LRP5: variants seen among roughly 807,000 people sequenced by gnomAD.
LRP5 encodes the protein LDL receptor related protein 5.
A neutral mutation model predicts 154.1 loss-of-function variants in LRP5; 62 were observed. The observed-to-expected ratio is 0.40, with a 90% CI of 0.33 to 0.50. LRP5 has a LOEUF of 0.50. Among genes scored for constraint, LRP5 ranks in the 20% least tolerant of loss-of-function variants. The pLI, the probability that LRP5 is intolerant of heterozygous loss-of-function variation, is 0.55. For missense variants in LRP5, 1,915 were observed against 2,336.7 expected (o/e 0.82, Z 3.72); for synonymous variants, 966 against 1,011.5 (o/e 0.96, Z 0.85).
chr11:68,317,139 G>T (rs898176756), intron 1 of LRP5, among the ~76,000 whole-genome samples: 2 of 152,322 alleles, frequency 1.3e-5, no homozygotes, highest in East Asian at 3.9e-4. Context: ...GGCTTGCTAC[G>T]AGCCGGCCTC....
chr11:68,413,905 T>C lies in LRP5; in HGVS notation c.2720T>C (p.Met907Thr), dbSNP rs751796016. The C allele has an allele frequency of 1.2e-6, 2 of 1,612,748 alleles. No homozygotes were observed. Among genetic ancestry groups the C allele is most frequent in the East Asian group, 4.5e-5 (2 of 44,904 alleles). Reference sequence around the variant, plus strand: ...CGCCAGGATGGCCTCAATGACTGTATGCACAACAACGGGCAGTGTGGGCAG... The same window carrying C: ...CGCCAGGATGGCCTCAATGACTGTACGCACAACAACGGGCAGTGTGGGCAG... ...SSRQDGLNDC[M>T]HNNGQCGQLC... The change falls in exon 12 of 23, where the codon ATG (methionine) becomes ACG (threonine). Residue 907 changes from methionine to threonine, a missense_variant. This residue lies in a region of LRP5 where 1,094 missense variants were observed against 1,210.1 expected (regional missense o/e 0.90). Coordinates refer to ENST00000294304, the MANE Select transcript of LRP5 (RefSeq NM_002335.4). This position sits in a 1 kb window ranked among gnomAD's most constrained non-coding sequence, Gnocchi z 5.1.
chr11:68,433,911 C>A, intron 18 of LRP5, 73 bp downstream of exon 18: 1 of 1,438,918 alleles, frequency 6.9e-7, no homozygotes, highest in South Asian at 1.2e-5. Context: ...GGGGCTGCCT[C>A]CGGCCTCACA....
At position 68,391,872 on chromosome 11, in the gene LRP5, C is replaced by T. The variant is rs575399780; in HGVS notation, c.1584+1820C>T. ...CAGTGGTTTTCTTGAGACAGGGTCTCGCTCGCTCACCCAGGCGAGAGTGCA... is the reference window on the plus strand; with the variant it reads ...CAGTGGTTTTCTTGAGACAGGGTCTTGCTCGCTCACCCAGGCGAGAGTGCA... On this transcript the variant is annotated intron_variant, in intron 7 of 22. Coordinates refer to ENST00000294304, the MANE Select transcript of LRP5 (RefSeq NM_002335.4). Among the ~76,000 whole-genome samples, 28 of 152,300 alleles carry T rather than the reference C, an allele frequency of 1.8e-4. 1 individual carries two copies. The South Asian group carries it at 2.3e-3, about 12-fold the overall frequency.
At chr11:68,356,918 A>C (rs907901032) in intron 2 of LRP5, among the ~76,000 whole-genome samples, 6 of 151,172 alleles carry the variant, frequency 4.0e-5, no homozygotes, top group Non-Finnish European at 7.4e-5. Context: ...TCATGGCTTG[A>C]TAGATCATTT....
chr11:68,407,720 G>T (rs1663968763), intron 9 of LRP5, among the ~76,000 whole-genome samples: 1 of 151,986 alleles, frequency 6.6e-6, no homozygotes, highest in Admixed American at 6.5e-5. Flanking sequence ...GGCGGCGCCT[G>T]CCTGTAATCG....
intron 1 of LRP5, among the ~76,000 whole-genome samples, chr11:68,328,955 G>C (rs2098601233): frequency 6.6e-6 from 1 of 152,316 alleles, no homozygotes; most frequent in South Asian, 2.1e-4. Flanking sequence ...TTTGTGACTT[G>C]AGACTGCGTG....
chr11:68,448,729 G>A (rs960299131), intron 22 of LRP5, 80 bp from the exon 23 acceptor site: 17 of 1,565,658 alleles, frequency 1.1e-5, no homozygotes, highest in Middle Eastern at 1.7e-4. Flanking sequence ...GGCCTTTCCC[G>A]TTCACAGCCC....
chr11:68,382,587 C>T (rs2098640846), intron 5 of LRP5, among the ~76,000 whole-genome samples: 1 of 152,226 alleles, frequency 6.6e-6, no homozygotes, highest in Non-Finnish European at 1.5e-5. Flanking sequence ...TCGTCCACCC[C>T]TCCTTCCCTA....
Position 68,411,476 on chromosome 11 carries a change from G to C in LRP5, c.2359G>C (p.Val787Leu). ...CGAGTGGGGCGGCAAGCCGAGGATC[G>C]TGCGGGCCTTCATGGACGGGACCAA... ...WTEWGGKPRI[V>L]RAFMDGTNCM... The change falls in exon 11 of 23, where the codon GTG becomes CTG. Residue 787 changes from valine (V) to leucine (L), a missense_variant. This residue lies in a region of LRP5 where 773 missense variants were observed against 1,100.9 expected (regional missense o/e 0.70). Transcript: ENST00000294304. The C allele has an allele frequency of 6.2e-7, 1 of 1,613,168 alleles. No homozygotes were observed. Among genetic ancestry groups the C allele is most frequent in the Non-Finnish European group, 8.5e-7 (1 of 1,180,036 alleles).
intron 6 of LRP5, among the ~76,000 whole-genome samples, chr11:68,388,026 T>C (rs2098643982): frequency 1.3e-5 from 2 of 151,988 alleles, no homozygotes; most frequent in Non-Finnish European, 2.9e-5. Context: ...GGAGCCAGCA[T>C]GTCAGGCAGC....
At chr11:68,367,918 G>T (rs1174952596) in intron 5 of LRP5, among the ~76,000 whole-genome samples, 5 of 152,094 alleles carry the variant, frequency 3.3e-5, no homozygotes, top group African/African-American at 7.2e-5. Flanking sequence ...ATAAAAATTA[G>T]CTGGGCAGTA....
chr11:68,425,162 C>T lies in LRP5; in HGVS notation c.3297C>T (p.Asp1099=), dbSNP rs17149104. The change falls in exon 15 of 23, where the codon GAC becomes GAT. Residue 1099 remains aspartate (D), a synonymous_variant. Coordinates refer to ENST00000294304, the MANE Select transcript of LRP5 (RefSeq NM_002335.4). Reference sequence around the variant, plus strand: ...CCAAGATCGAACGCGCAGCCCTGGACGGCACCGAGCGCGAGGTCCTCTTCA... The same window carrying T: ...CCAAGATCGAACGCGCAGCCCTGGATGGCACCGAGCGCGAGGTCCTCTTCA... ...RAAKIERAAL[D]GTEREVLFTT... The T allele has an allele frequency of 0.021, 33,590 of 1,613,646 alleles. 1,482 individuals are homozygous for T. The highest frequency in any genetic ancestry group is 0.18 in the African/African-American group (13,597 of 74,992).
chr11:68,342,860 T>C (rs1483377194), intron 1 of LRP5, among the ~76,000 whole-genome samples: 2 of 152,238 alleles, frequency 1.3e-5, no homozygotes, highest in Non-Finnish European at 2.9e-5. Context: ...CTTTCCAGTT[T>C]GGGGAGAAGC....
At chr11:68,390,194 T>C in intron 7 of LRP5, 142 bp downstream of exon 7, 1 of 1,070,954 alleles carries the variant, frequency 9.3e-7, no homozygotes, top group East Asian at 2.6e-5. Context: ...ATAGTTACAA[T>C]ACTTTCTGAC....
upstream of LRP5, among the ~76,000 whole-genome samples, chr11:68,311,111 G>T (rs1321200115): frequency 6.6e-6 from 1 of 152,176 alleles, no homozygotes; most frequent in Non-Finnish European, 1.5e-5. Flanking sequence ...GGGAGTCTGG[G>T]TCTCTTCTAT....
In LRP5 at chr11:68,413,841, C is replaced by T. The variant is rs1283275490; in HGVS notation, c.2656C>T (p.Leu886=). 1 of 1,613,606 alleles carries T rather than the reference C, an allele frequency of 6.2e-7. No homozygotes were observed. The highest frequency in any genetic ancestry group is 1.3e-5 in the African/African-American group (1 of 74,952). The part of the protein sequence containing the change: ...GRNRTLIQGH[L]DFVMDILVFH... ...GAACCGCACCCTCATCCAGGGCCAC[C>T]TGGACTTCGTGATGGACATCCTGGT... The change falls in exon 12 of 23, where the codon CTG becomes TTG. Residue 886 remains leucine (L), a synonymous_variant. Coordinates refer to ENST00000294304, the MANE Select transcript of LRP5 (RefSeq NM_002335.4). The surrounding 1 kb of genome is among the most constrained non-coding windows in gnomAD (Gnocchi z 5.1).
intron 3 of LRP5, among the ~76,000 whole-genome samples, chr11:68,358,362 C>T (rs1445967025): frequency 2.0e-5 from 3 of 152,158 alleles, no homozygotes; most frequent in African/African-American, 4.8e-5. Context: ...GGATCCTTCC[C>T]CTCGGCTCCC....
chr11:68,364,523 T>C (rs112612970), intron 4 of LRP5, among the ~76,000 whole-genome samples: 1 of 152,012 alleles, frequency 6.6e-6, no homozygotes, highest in African/African-American at 2.4e-5. Context: ...TGCTTGGCCC[T>C]GCAAGTCGCG....
chr11:68,429,515 C>T, intron 16 of LRP5, 60 bp from the exon 17 acceptor site: 4 of 1,610,726 alleles, frequency 2.5e-6, no homozygotes, highest in Non-Finnish European at 3.4e-6. Context: ...ACCCTCCAGG[C>T]TGTGGTTCTG....
Sources: allele counts gnomAD v4.1 joint callset (sites outside exome capture counted in the v4.1 genomes callset), GRCh38; gene constraint gnomAD v4.1.1; regional missense constraint gnomAD v4.1.1; non-coding constraint Gnocchi (gnomAD v3.1); transcripts MANE v1.5; gene names NCBI Gene and HGNC (gene_info 2026-07-23, HGNC 2026-07-21).